TSPAN18: variants seen among roughly 807,000 people sequenced by gnomAD.
The protein encoded by TSPAN18 is tetraspanin-18.
In TSPAN18, 14 loss-of-function variants were observed where a neutral mutation model predicts 27.3. That is an observed-to-expected ratio of 0.51 (90% confidence interval 0.34 to 0.80). The LOEUF is 0.80. Ranked by LOEUF, TSPAN18 falls within the 30% of genes least tolerant of loss-of-function variation. TSPAN18 has a pLI of 0.01. For synonymous variants in TSPAN18, 143 were observed against 136.5 expected, an observed-to-expected ratio of 1.05 and a Z score of -0.33; for missense variants, 268 against 323.9, an observed-to-expected ratio of 0.83 and a Z score of 1.32.
chr11:44,879,717 T>C (rs1432759902), intron 3 of TSPAN18, among the ~76,000 whole-genome samples: 1 of 152,140 alleles, frequency 6.6e-6, no homozygotes, highest in Non-Finnish European at 1.5e-5. Context: ...TTGTAAGCTG[T>C]TGTGAGTTTG....
chr11:44,927,347 G>A (rs376820033), intron 9 of TSPAN18, among the ~76,000 whole-genome samples: 8 of 152,324 alleles, frequency 5.3e-5, no homozygotes, highest in African/African-American at 1.7e-4. Flanking sequence ...TGGGATCTCC[G>A]ACTTGCTGCT....
chr11:44,929,500 C>T lies in TSPAN18; in HGVS notation c.*322C>T. The T allele has an allele frequency of 2.8e-6, 1 of 352,748 alleles. No homozygotes were observed. Among genetic ancestry groups the T allele is most frequent in the Admixed American group, 4.5e-5 (1 of 22,416 alleles). 21.9% of individuals were successfully genotyped at this position (352,748 alleles called of 1,614,324 possible). ...AGCGCCCTCTTTGGTCCAGCCAGACCCTGGGCCCTCTCTCCTCACTGCACC... is the reference window on the plus strand; with the variant it reads ...AGCGCCCTCTTTGGTCCAGCCAGACTCTGGGCCCTCTCTCCTCACTGCACC... On this transcript the variant is annotated 3_prime_UTR_variant, in exon 10 of 10. Coordinates refer to ENST00000520358, the MANE Select transcript of TSPAN18 (RefSeq NM_130783.5).
At chr11:44,857,628 A>T (rs1280140558) in intron 2 of TSPAN18, among the ~76,000 whole-genome samples, 3 of 152,166 alleles carry the variant, frequency 2.0e-5, no homozygotes, top group Non-Finnish European at 4.4e-5. Flanking sequence ...AAGACAGGTG[A>T]CGTGGGCCAG....
intron 2 of TSPAN18, among the ~76,000 whole-genome samples, chr11:44,816,254 T>C (rs1185868090): frequency 2.0e-5 from 3 of 152,212 alleles, no homozygotes; most frequent in Admixed American, 1.3e-4. Context: ...AATCGATTAG[T>C]GATGTCTGCC....
chr11:44,759,453 T>C (rs150247333), intron 1 of TSPAN18, among the ~76,000 whole-genome samples: 5 of 152,278 alleles, frequency 3.3e-5, no homozygotes, highest in Admixed American at 2.0e-4. Flanking sequence ...CTAGAGAAAA[T>C]TATACAAGTA....
Position 44,928,010 on chromosome 11 carries a change from G to A in TSPAN18, c.700-1121G>A, listed in dbSNP as rs113265753. Among the ~76,000 whole-genome samples the A allele has an allele frequency of 4.2e-4, 64 of 152,292 alleles. 1 individual carries two copies. Among genetic ancestry groups the A allele is most frequent in the Middle Eastern group, 3.4e-3 (1 of 294 alleles). On this transcript the variant is annotated intron_variant, in intron 9 of 9. Coordinates refer to ENST00000520358, the MANE Select transcript of TSPAN18 (RefSeq NM_130783.5). ...TGGGAGGCAGAATCCTGCTCAAGAC[G>A]GAGACCTTTACATGGCCCCGTCCCG...
At chr11:44,907,045 A>C (rs1564989668) in intron 4 of TSPAN18, among the ~76,000 whole-genome samples, 1 of 152,224 alleles carries the variant, frequency 6.6e-6, no homozygotes, top group African/African-American at 2.4e-5. Flanking sequence ...GCTTTTTGAA[A>C]ATTAAGCAAG....
Position 44,812,000 on chromosome 11 carries a change from T to C in TSPAN18, c.-153+47488T>C, listed in dbSNP as rs536242670. The stretch of plus-strand genomic sequence containing the variant: ...AGTGGGCAGGGCTGGCAATGCCATA[T>C]GTTGCTAGTGGTCGACTTCGGTGGA... On this transcript the variant is annotated intron_variant, in intron 2 of 9. Transcript: ENST00000520358. Among the ~76,000 whole-genome samples the C allele has an allele frequency of 9.2e-5, 14 of 152,274 alleles. No homozygotes were observed. The South Asian group carries it at 2.7e-3, about 29-fold the overall frequency.
At chr11:44,807,579 G>T (rs1856629255) in intron 2 of TSPAN18, among the ~76,000 whole-genome samples, 1 of 151,504 alleles carries the variant, frequency 6.6e-6, no homozygotes, top group Admixed American at 6.6e-5. Flanking sequence ...GCACAGGTGG[G>T]ATACAGAGAA....
intron 2 of TSPAN18, among the ~76,000 whole-genome samples, chr11:44,767,511 T>C (rs1335115611): frequency 6.6e-6 from 1 of 152,226 alleles, no homozygotes; most frequent in East Asian, 1.9e-4. Context: ...GCACTGAGTG[T>C]GGAGCTCAGG....
chr11:44,748,581 G>A (rs1855136521), intron 1 of TSPAN18, among the ~76,000 whole-genome samples: 1 of 152,178 alleles, frequency 6.6e-6, no homozygotes, highest in African/African-American at 2.4e-5. Flanking sequence ...GTACTGAGGA[G>A]ACATTGCTTG....
At chr11:44,888,622 G>T (rs1017603839) in intron 3 of TSPAN18, among the ~76,000 whole-genome samples, 8 of 152,166 alleles carry the variant, frequency 5.3e-5, no homozygotes, top group Non-Finnish European at 1.2e-4. Flanking sequence ...AGGTTGCCTG[G>T]TGTGTGGCCA....
intron 1 of TSPAN18, among the ~76,000 whole-genome samples, chr11:44,746,070 G>C (rs1855068222): frequency 6.6e-6 from 1 of 152,180 alleles, no homozygotes; most frequent in African/African-American, 2.4e-5. Context: ...CTAATCAGTT[G>C]AAAAAGTGAG....
chr11:44,818,941 G>A (rs1211258189), intron 2 of TSPAN18, among the ~76,000 whole-genome samples: 2 of 152,010 alleles, frequency 1.3e-5, no homozygotes, highest in South Asian at 2.1e-4. Context: ...GATCTCTTAC[G>A]TCCCTCCCAA....
intron 1 of TSPAN18, among the ~76,000 whole-genome samples, chr11:44,735,583 C>T (rs1854771501): frequency 6.6e-6 from 1 of 151,804 alleles, no homozygotes; most frequent in Non-Finnish European, 1.5e-5. Context: ...ATAGGGACAC[C>T]AGTCATGTTG....
chr11:44,776,512 A>G (rs1855811970), intron 2 of TSPAN18, among the ~76,000 whole-genome samples: 1 of 152,202 alleles, frequency 6.6e-6, no homozygotes, highest in South Asian at 2.1e-4. Context: ...GCCGTCATAT[A>G]TTTAAAGGGA....
At chr11:44,909,949 G>C in intron 5 of TSPAN18, 50 bp downstream of exon 5, 1 of 1,552,616 alleles carries the variant, frequency 6.4e-7, no homozygotes. Flanking sequence ...AGGGGTGTCA[G>C]GGATTGGCTG....
intron 4 of TSPAN18, among the ~76,000 whole-genome samples, chr11:44,908,286 C>T (rs1469347749): frequency 1.3e-5 from 2 of 152,126 alleles, no homozygotes; most frequent in African/African-American, 2.4e-5. Flanking sequence ...GTTTTCCTGT[C>T]GCCCAGCTGT....
rs1179038752 is a variant in TSPAN18 at position 44,917,968 on chromosome 11, G to A, written c.259-4G>A. On this transcript the variant is annotated splice_polypyrimidine_tract_variant and splice_region_variant and intron_variant, in intron 5 of 9. Transcript: ENST00000520358. ...GGCTCACAAGGCTGTTCCTCTCCCT[G>A]CAGTTCTTCCTGTTCATCCTGATCA... 6.2e-7 allele frequency: 1 copy of A among 1,613,946 alleles called. No homozygotes were observed. The highest frequency in any genetic ancestry group is 2.2e-5 in the East Asian group (1 of 44,898).
Sources: gnomAD v4.1 joint callset for allele counts (sites outside exome capture counted in the v4.1 genomes callset) on GRCh38, gnomAD v4.1.1 for gene constraint, MANE v1.5 for transcripts, NCBI Gene and HGNC (gene_info 2026-07-23, HGNC 2026-07-21) for gene names.